Variants in ZNF800 observed in about 807,000 individuals in gnomAD.
ZNF800 encodes the protein zinc finger protein 800.
Under a neutral mutation model 59.5 loss-of-function variants are expected in ZNF800, and 13 were observed. The observed-to-expected ratio is 0.22, with a 90% CI of 0.14 to 0.35. The LOEUF is 0.35. Ranked by LOEUF, ZNF800 falls within the 10% of genes least tolerant of loss-of-function variation. The pLI, the probability that ZNF800 is intolerant of heterozygous loss-of-function variation, is 1.00. For missense variants in ZNF800, 621 were observed against 783.7 expected (o/e 0.79, Z 2.48); for synonymous variants, 266 against 265.7 (o/e 1.00, Z -0.01).
intron 1 of ZNF800, among the ~76,000 whole-genome samples, chr7:127,356,777 G>C (rs1396838950): frequency 6.6e-6 from 1 of 151,886 alleles, no homozygotes; most frequent in African/African-American, 2.4e-5. Flanking sequence ...ATGTGTGTGT[G>C]TGTGTTTTTT....
At chr7:127,351,670 T>C (rs1800171119) in intron 1 of ZNF800, 1 of 152,242 alleles carries the variant, frequency 6.6e-6, no homozygotes, top group Non-Finnish European at 1.5e-5. Flanking sequence ...GTCAGGTCTG[T>C]AGTGTCACTG....
intron 3 of ZNF800, among the ~76,000 whole-genome samples, chr7:127,383,073 G>T (rs933425777): frequency 2.0e-5 from 3 of 152,168 alleles, no homozygotes; most frequent in Non-Finnish European, 4.4e-5. Context: ...ACAGTTCAAA[G>T]GAAAAGCTGA....
At chr7:127,391,649 T>G in intron 1 of ZNF800, 34 bp from the exon 2 acceptor site, 1 of 1,182,268 alleles carries the variant, frequency 8.5e-7, no homozygotes, top group Non-Finnish European at 1.3e-6. Flanking sequence ...TCACTCGCCC[T>G]GAACTTCCTG....
intron 1 of ZNF800, among the ~76,000 whole-genome samples, chr7:127,353,136 A>C (rs1262534904): frequency 6.6e-6 from 1 of 152,200 alleles, no homozygotes; most frequent in East Asian, 1.9e-4. Context: ...TGGACATATA[A>C]ACTTTTACCA....
chr7:127,365,265 A>G (rs960052575), downstream of ZNF800, among the ~76,000 whole-genome samples: 1 of 152,134 alleles, frequency 6.6e-6, no homozygotes, highest in Non-Finnish European at 1.5e-5. Flanking sequence ...CAGGCAACAG[A>G]AACCATAAGT....
chr7:127,376,756 T>C (rs909693834), intron 4 of ZNF800, among the ~76,000 whole-genome samples: 2 of 152,010 alleles, frequency 1.3e-5, no homozygotes, highest in Admixed American at 6.6e-5. Context: ...CTTTGCTCTT[T>C]ATTCCCAACC....
chr7:127,378,262 C>A (rs1360026038), intron 3 of ZNF800, among the ~76,000 whole-genome samples: 1 of 151,966 alleles, frequency 6.6e-6, no homozygotes, highest in African/African-American at 2.4e-5. Context: ...TGGTAAAAAG[C>A]ACCTGATCTT....
chr7:127,387,867 TAAAC>T (rs1562911450), intron 2 of ZNF800, among the ~76,000 whole-genome samples: 2 of 151,218 alleles, frequency 1.3e-5, no homozygotes, highest in African/African-American at 4.9e-5. Context: ...TCAAAATAAA[TAAAC>T]AAATTAATTA....
intron 2 of ZNF800, among the ~76,000 whole-genome samples, chr7:127,390,207 C>G (rs910654391): frequency 2.0e-5 from 3 of 152,006 alleles, no homozygotes; most frequent in Non-Finnish European, 4.4e-5. Flanking sequence ...GTCAGTGGAA[C>G]ATGAGTTTAA....
chr7:127,385,569 G>A (rs1044990097), intron 3 of ZNF800, among the ~76,000 whole-genome samples: 5 of 152,032 alleles, frequency 3.3e-5, no homozygotes, highest in Admixed American at 6.5e-5. Context: ...TCTATCTTGC[G>A]CTCTATTAAA....
chr7:127,359,322 C>A (rs141950471), intron 1 of ZNF800, among the ~76,000 whole-genome samples: 24 of 152,166 alleles, frequency 1.6e-4, no homozygotes, highest in African/African-American at 5.8e-4. Flanking sequence ...CCTTCAGCTT[C>A]CTATGATCAA....
At position 127,392,276 on chromosome 7, in the gene ZNF800, C is replaced by G. The variant is rs557237635; in HGVS notation, c.-275G>C. 1.3e-5 allele frequency: 5 copies of G among 391,662 alleles called. No individual in the cohort carries two copies. Among genetic ancestry groups the G allele is most frequent in the South Asian group, 1.3e-4 (1 of 7,784 alleles). The allele number at this position is 391,662 out of a possible 1,614,324, so 24.3% of individuals were successfully genotyped here. On this transcript the variant is annotated 5_prime_UTR_variant, in exon 1 of 6. Transcript: ENST00000265827. Reference sequence around the variant, plus strand: ...CAGCTCACCACGTCCCTCCGCGGGCCGAGACGACTGCGGCGGCGGCTCACG... The same window carrying G: ...CAGCTCACCACGTCCCTCCGCGGGCGGAGACGACTGCGGCGGCGGCTCACG...
intron 3 of ZNF800, among the ~76,000 whole-genome samples, chr7:127,382,299 A>G (rs1801000234): frequency 6.6e-6 from 1 of 152,174 alleles, no homozygotes; most frequent in African/African-American, 2.4e-5. Context: ...CTAGCACACA[A>G]CTAAGAAATT....
downstream of ZNF800, among the ~76,000 whole-genome samples, chr7:127,343,615 G>C (rs986341952): frequency 8.6e-5 from 13 of 151,824 alleles, no homozygotes; most frequent in African/African-American, 3.1e-4. Flanking sequence ...CCAAAGAATA[G>C]GCAATTCATA....
rs1381127297 is a variant in ZNF800 at position 127,392,397 on chromosome 7, AGGAGCC to A, written c.-402_-397del. On this transcript the variant is annotated 5_prime_UTR_variant, in exon 1 of 6. Transcript: ENST00000265827. ...CAGCAGCTGCCGCCGCCACCACCGA[AGGAGCC>A]GGAACCGGAGCGGGCAGGACCTGAG... 2.6e-6 allele frequency: 1 copy of A among 379,698 alleles called. No homozygotes were observed. Among genetic ancestry groups the A allele is most frequent in the East Asian group, 3.8e-5 (1 of 26,448 alleles). 23.5% of individuals were successfully genotyped at this position (379,698 alleles called of 1,614,324 possible).
chr7:127,369,063 T>A (rs751305444), downstream of ZNF800, among the ~76,000 whole-genome samples: 2 of 150,336 alleles, frequency 1.3e-5, no homozygotes, highest in East Asian at 3.9e-4. Flanking sequence ...ATGGTTGTTG[T>A]GTATTCAAGG....
intron 3 of ZNF800, among the ~76,000 whole-genome samples, chr7:127,382,504 C>T (rs927051724): frequency 6.6e-6 from 1 of 152,132 alleles, no homozygotes; most frequent in African/African-American, 2.4e-5. Flanking sequence ...ATATTAGAAA[C>T]ATGATCCTAT....
At chr7:127,352,016 A>G (rs1338421275) in intron 1 of ZNF800, among the ~76,000 whole-genome samples, 2 of 152,256 alleles carry the variant, frequency 1.3e-5, no homozygotes, top group Non-Finnish European at 1.5e-5. Flanking sequence ...TTAAAAGAAT[A>G]AAAATCTTAA....
In ZNF800 at chr7:127,384,697, C is replaced by A. The variant is rs1249701097; in HGVS notation, c.157+1363G>T. On this transcript the variant is annotated intron_variant, in intron 3 of 5. Coordinates refer to ENST00000265827, the MANE Select transcript of ZNF800 (RefSeq NM_176814.5). Reference sequence around the variant, plus strand: ...ATGGTATGAGAAAGAACCAAAAAAACCCTTTAATCTCTATTCTAAAAGAAG... The same window carrying A: ...ATGGTATGAGAAAGAACCAAAAAAAACCTTTAATCTCTATTCTAAAAGAAG... Among the ~76,000 whole-genome samples the A allele has an allele frequency of 2.0e-5, 3 of 152,148 alleles. No homozygotes were observed. In the East Asian group the frequency reaches 5.8e-4, roughly 29 times the overall value.
Sources: gnomAD v4.1 joint callset for allele counts (sites outside exome capture counted in the v4.1 genomes callset) on GRCh38, gnomAD v4.1.1 for gene constraint, MANE v1.5 for transcripts, NCBI Gene and HGNC (gene_info 2026-07-23, HGNC 2026-07-21) for gene names.